MID2: variants seen among roughly 807,000 people sequenced by gnomAD.
The protein encoded by MID2 is midline 2, also known as probable E3 ubiquitin-protein ligase MID2.
MID2 carries 13 observed loss-of-function variants against 46.1 expected under a neutral mutation model. That is an observed-to-expected ratio of 0.28 (90% CI 0.18 to 0.45). The LOEUF (loss-of-function observed/expected upper bound fraction) is 0.45, where lower values mean the gene tolerates loss of function less well. MID2 is among the 20% of genes least tolerant of loss of function. The pLI is 1.00. For synonymous variants in MID2, 199 were observed against 212.3 expected, an observed-to-expected ratio of 0.94 and a Z score of 0.55; for missense variants, 431 against 575.4, an observed-to-expected ratio of 0.75 and a Z score of 2.57.
At chrX:107,906,712 A>G (rs1430543291) in intron 5 of MID2, among the ~76,000 whole-genome samples, 1 of 111,403 alleles carries the variant, frequency 9.0e-6, no homozygotes, top group African/African-American at 3.3e-5. Context: ...TAGCCTCCCA[A>G]GTAGCTGGGA....
At position 107,926,321 on chromosome X, in the gene MID2, C is replaced by A; in HGVS notation, c.1805+20C>A. ...AACATGGTGAGTGGATCCCATTTTC[C>A]TTTTCTTTTCTGTCCTCTGTCATTA... On this transcript the variant is annotated intron_variant, in intron 9 of 9. Transcript: ENST00000262843. 1 of 1,142,826 alleles carries A rather than the reference C, an allele frequency of 8.8e-7. No individual in the cohort carries two copies. The highest frequency in any genetic ancestry group is 1.2e-6 in the Non-Finnish European group (1 of 836,823). The allele number at this position is 1,142,826 out of a possible 1,213,427, so 94.2% of individuals were successfully genotyped here.
At chrX:107,863,367 C>T (rs1931896736) in intron 3 of MID2, among the ~76,000 whole-genome samples, 1 of 111,942 alleles carries the variant, frequency 8.9e-6, no homozygotes, top group Non-Finnish European at 1.9e-5. Context: ...CAGGTGTGGT[C>T]ATGTCTTCAT....
chrX:107,858,080 G>A (rs1024472433), intron 3 of MID2, among the ~76,000 whole-genome samples: 6 of 112,274 alleles, frequency 5.3e-5, no homozygotes, highest in African/African-American at 1.9e-4. Context: ...AAACAAAGCT[G>A]CAGTCTTCCT....
chrX:107,843,563 T>G (rs915181113), intron 2 of MID2, among the ~76,000 whole-genome samples: 1 of 111,629 alleles, frequency 9.0e-6, no homozygotes. Context: ...TTTACTCATT[T>G]TTGGATGGAG....
intron 7 of MID2, among the ~76,000 whole-genome samples, chrX:107,919,349 A>G (rs898538850): frequency 9.0e-6 from 1 of 111,279 alleles, no homozygotes; most frequent in Non-Finnish European, 1.9e-5. Context: ...TCACAGAGCT[A>G]CGAAATGAGG....
intron 2 of MID2, among the ~76,000 whole-genome samples, chrX:107,844,364 A>T (rs1374731494): frequency 9.0e-6 from 1 of 111,327 alleles, no homozygotes; most frequent in African/African-American, 3.3e-5. Flanking sequence ...TTCAATTTTA[A>T]ATAATATTTT....
In MID2 at chrX:107,841,398, G is replaced by C. The variant is rs1279082577; in HGVS notation, c.720+13G>C. ...TGAGAAACTCAAGGTAAGGGATCTG[G>C]GGAGCATCCCCTATACAACTTTGTC... is the stretch of plus-strand genomic sequence containing the variant. On this transcript the variant is annotated intron_variant, in intron 2 of 9. Coordinates refer to ENST00000262843, the MANE Select transcript of MID2 (RefSeq NM_012216.4). 7 of 1,131,100 alleles carry C rather than the reference G, an allele frequency of 6.2e-6. No homozygotes were observed. The highest frequency in any genetic ancestry group is 8.4e-6 in the Non-Finnish European group (7 of 835,877). The allele number at this position is 1,131,100 out of a possible 1,213,427, so 93.2% of individuals were successfully genotyped here.
chrX:107,846,372 C>T (rs776302474), intron 2 of MID2, among the ~76,000 whole-genome samples: 18 of 111,185 alleles, frequency 1.6e-4, no homozygotes, highest in Non-Finnish European at 3.2e-4. Context: ...TCTTTAAGGT[C>T]TGGTGGTAAT....
chrX:107,893,071 T>C (rs1219502000), intron 3 of MID2, among the ~76,000 whole-genome samples: 1 of 112,892 alleles, frequency 8.9e-6, no homozygotes, highest in African/African-American at 3.2e-5. Flanking sequence ...TCCACATAAA[T>C]GAGTGTTGAC....
At chrX:107,889,809 G>A (rs186465752) in intron 3 of MID2, among the ~76,000 whole-genome samples, 1 of 111,602 alleles carries the variant, frequency 9.0e-6, no homozygotes, top group African/African-American at 3.3e-5. Context: ...TGGAGGCTTC[G>A]TTCATTTCTT....
At chrX:107,876,940 G>A (rs745313747) in intron 3 of MID2, among the ~76,000 whole-genome samples, 85 of 111,416 alleles carry the variant, frequency 7.6e-4, no homozygotes, top group Non-Finnish European at 1.1e-3. Context: ...CTTGTCCAGG[G>A]TGAAGATTTC....
At chrX:107,885,432 C>T (rs1182250811) in intron 3 of MID2, among the ~76,000 whole-genome samples, 1 of 110,537 alleles carries the variant, frequency 9.0e-6, no homozygotes, top group Non-Finnish European at 1.9e-5. Flanking sequence ...TCATCCATGT[C>T]CCTAAAAAGG....
chrX:107,898,343 C>T (rs1477530771), intron 3 of MID2, among the ~76,000 whole-genome samples: 1 of 111,825 alleles, frequency 8.9e-6, no homozygotes, highest in African/African-American at 3.3e-5. Flanking sequence ...TATTTTTCTG[C>T]TTATGCTTTT....
chrX:107,887,072 G>A (rs1932469748), intron 3 of MID2, among the ~76,000 whole-genome samples: 1 of 111,580 alleles, frequency 9.0e-6, no homozygotes, highest in Non-Finnish European at 1.9e-5. Flanking sequence ...TCTGCAAACA[G>A]GGACAATTTG....
At chrX:107,858,364 G>A (rs1931788794) in intron 3 of MID2, among the ~76,000 whole-genome samples, 1 of 112,012 alleles carries the variant, frequency 8.9e-6, no homozygotes, top group Non-Finnish European at 1.9e-5. Flanking sequence ...GGCATCCTTT[G>A]TTTACATTTC....
chrX:107,836,999 C>T (rs545250205), intron 1 of MID2, among the ~76,000 whole-genome samples: 3 of 111,175 alleles, frequency 2.7e-5, no homozygotes, highest in Admixed American at 1.9e-4. Context: ...TATGGGCAAC[C>T]CTTTCCCCAG....
intron 3 of MID2, among the ~76,000 whole-genome samples, chrX:107,901,899 C>T (rs944860958): frequency 9.0e-6 from 1 of 111,523 alleles, no homozygotes; most frequent in African/African-American, 3.3e-5. Context: ...TCTAGGGGAA[C>T]AACAAGGAGT....
At chrX:107,922,870 G>C (rs1052794236) in intron 7 of MID2, among the ~76,000 whole-genome samples, 5 of 111,823 alleles carry the variant, frequency 4.5e-5, no homozygotes, top group African/African-American at 1.6e-4. Flanking sequence ...ATTGTTGGGT[G>C]TGTATCTGGA....
chrX:107,911,003 G>A (rs1483382523), intron 5 of MID2, among the ~76,000 whole-genome samples: 1 of 103,139 alleles, frequency 9.7e-6, no homozygotes, highest in Non-Finnish European at 2.0e-5. Flanking sequence ...ACAGGCTCAC[G>A]CCATTACGCC....
Sources: gnomAD v4.1 joint callset for allele counts (sites outside exome capture counted in the v4.1 genomes callset) on GRCh38, gnomAD v4.1.1 for gene constraint, MANE v1.5 for transcripts, NCBI Gene and HGNC (gene_info 2026-07-23, HGNC 2026-07-21) for gene names.